Variants in ZNF708 observed in about 807,000 individuals in gnomAD.
ZNF708 encodes the protein zinc finger protein 708.
ZNF708 carries 44 observed loss-of-function variants against 47.0 expected under a neutral mutation model. The ratio of observed to expected loss-of-function variants is 0.94; its 90% CI spans 0.74 to 1.20. The LOEUF is 1.20. Ranked by LOEUF, ZNF708 falls within the 50% of genes most tolerant of loss-of-function variation. The pLI is 0.00. For synonymous variants in ZNF708, 184 were observed against 218.5 expected, an observed-to-expected ratio of 0.84 and a Z score of 1.39; for missense variants, 557 against 656.0, an observed-to-expected ratio of 0.85 and a Z score of 1.65.
At chr19:21,307,126 TA>T (rs1263578633) in intron 3 of ZNF708, among the ~76,000 whole-genome samples, 1 of 134,264 alleles carries the variant, frequency 7.4e-6, no homozygotes, top group African/African-American at 2.8e-5. Context: ...AAATATAAAA[TA>T]AAAAATAAAA....
intron 3 of ZNF708, among the ~76,000 whole-genome samples, chr19:21,303,758 GTTATAA>G (rs1178105292): frequency 6.6e-6 from 1 of 151,714 alleles, no homozygotes; most frequent in African/African-American, 2.4e-5. Flanking sequence ...GGGTAAGGTA[GTTATAA>G]TTATATTAGA....
intron 3 of ZNF708, among the ~76,000 whole-genome samples, chr19:21,302,154 C>T (rs769759496): frequency 2.6e-5 from 4 of 151,810 alleles, no homozygotes; most frequent in Admixed American, 6.6e-5. Context: ...TGATGCTGGC[C>T]AGCATCATAA....
At chr19:21,316,068 C>A (rs1219794616) in intron 1 of ZNF708, among the ~76,000 whole-genome samples, 84 of 138,890 alleles carry the variant, frequency 6.0e-4, no homozygotes, top group Non-Finnish European at 5.6e-4. Context: ...AAACCTGTCT[C>A]AAAAAAAAAA....
At position 21,294,172 on chromosome 19, in the gene ZNF708, G is replaced by C. The variant is rs1972473739; in HGVS notation, c.794C>G (p.Ser265Ter). The C allele has an allele frequency of 9.3e-6, 15 of 1,612,382 alleles. No individual in the cohort carries two copies. Among genetic ancestry groups the C allele is most frequent in the Non-Finnish European group, 1.3e-5 (15 of 1,179,596 alleles). The change falls in exon 4 of 4, where the codon TCA becomes TGA. Residue 265 changes from serine (S) to a stop codon, truncating the protein, a stop_gained. Transcript: ENST00000356929. LOFTEE classifies it high-confidence loss of function. ...EECGKAFNRS[S>*]NLTKHKIVHT... ...AACTATCTTATGTTTAGTAAGGTTT[G>C]AGGACCGGTTAAAAGCTTTGCCACA...
intron 3 of ZNF708, among the ~76,000 whole-genome samples, chr19:21,294,987 G>T (rs1599667003): frequency 6.6e-6 from 1 of 150,926 alleles, no homozygotes; most frequent in Non-Finnish European, 1.5e-5. Flanking sequence ...GGAGAAAAAA[G>T]AAAAGTCTGT....
intron 3 of ZNF708, among the ~76,000 whole-genome samples, chr19:21,300,390 C>T (rs1441683886): frequency 1.3e-5 from 2 of 151,594 alleles, no homozygotes; most frequent in Non-Finnish European, 2.9e-5. Context: ...CCTGTAATCC[C>T]AGCTACTCGG....
intron 1 of ZNF708, among the ~76,000 whole-genome samples, chr19:21,312,751 A>AT (rs1972924805): frequency 6.6e-6 from 1 of 152,006 alleles, no homozygotes; most frequent in South Asian, 2.1e-4. Context: ...CCCCGGGCTC[A>AT]TTATTAGCAG....
intron 1 of ZNF708, among the ~76,000 whole-genome samples, chr19:21,321,214 G>GT (rs1973128025): frequency 6.6e-6 from 1 of 152,058 alleles, no homozygotes; most frequent in Admixed American, 6.6e-5. Context: ...TCATTTATAA[G>GT]TAAGAGTTAA....
rs373946256 is a variant in ZNF708 at position 21,294,509 on chromosome 19, A to G, written c.457T>C (p.Ser153Pro). The change falls in exon 4 of 4, where the codon TCA (serine) becomes CCA (proline). Residue 153 changes from serine to proline, a missense_variant. Physicochemically the swap from Ser to Pro is moderately conservative, Grantham distance 74. Coordinates refer to ENST00000356929, the MANE Select transcript of ZNF708 (RefSeq NM_021269.3). Reference protein sequence around the residue: ...DKYVKVFHKYSNAKRHKIRHT... With the variant: ...DKYVKVFHKYPNAKRHKIRHT... ...CTTATCTTATGTCTCTTTGCATTTGAATATTTATGAAAGACTTTCACGTAT... is the reference window on the plus strand; with the variant it reads ...CTTATCTTATGTCTCTTTGCATTTGGATATTTATGAAAGACTTTCACGTAT... The G allele has an allele frequency of 4.3e-6, 7 of 1,614,122 alleles. No homozygotes were observed. The highest frequency in any genetic ancestry group is 5.9e-6 in the Non-Finnish European group (7 of 1,180,004).
chr19:21,322,528 C>A (rs1034303091), intron 1 of ZNF708, among the ~76,000 whole-genome samples: 1 of 152,086 alleles, frequency 6.6e-6, no homozygotes, highest in African/African-American at 2.4e-5. Context: ...GTCTTGAACT[C>A]CTGAGCTCAG....
rs775646551 is a variant in ZNF708, at chr19:21,293,139, A to C, written c.*135T>G. The C allele has an allele frequency of 1.4e-5, 16 of 1,125,286 alleles. No homozygotes were observed. Among genetic ancestry groups the C allele is most frequent in the African/African-American group, 3.1e-5 (2 of 64,056 alleles). The allele number at this position is 1,125,286 out of a possible 1,614,324, so 69.7% of individuals were successfully genotyped here. A position where few individuals can be genotyped will look rare whatever the true frequency, so the allele number is the denominator to read the frequency against. On this transcript the variant is annotated 3_prime_UTR_variant, in exon 4 of 4. Coordinates refer to ENST00000356929, the MANE Select transcript of ZNF708 (RefSeq NM_021269.3). ...TTTGTAGGGTTTCTCTCTAGTATGAATTATCTTTTGTTTCATAAGGATTAA... is the reference window on the plus strand; with the variant it reads ...TTTGTAGGGTTTCTCTCTAGTATGACTTATCTTTTGTTTCATAAGGATTAA...
chr19:21,293,793 G>T lies in ZNF708; in HGVS notation c.1173C>A (p.Pro391=), dbSNP rs751343201. ...CTTTACCACATTCTTCACATTTGTAGGGTTTCTCTCCAGTATGAATTACCT... is the reference window on the plus strand; with the variant it reads ...CTTTACCACATTCTTCACATTTGTATGGTTTCTCTCCAGTATGAATTACCT... The part of the protein sequence containing the change: ...NHKVIHTGEK[P]YKCEECGKAF... Residue 391 remains proline, a synonymous_variant, in exon 4 of 4, where the codon CCC becomes CCA. Coordinates refer to ENST00000356929, the MANE Select transcript of ZNF708 (RefSeq NM_021269.3). The T allele has an allele frequency of 3.1e-6, 5 of 1,613,404 alleles. No individual in the cohort carries two copies. The highest frequency in any genetic ancestry group is 4.2e-6 in the Non-Finnish European group (5 of 1,179,844).
intron 1 of ZNF708, chr19:21,328,035 G>C: frequency 1.0e-6 from 1 of 988,216 alleles, no homozygotes; most frequent in Non-Finnish European, 1.2e-6. Flanking sequence ...AAGTCATGAT[G>C]TGTATCTTGG....
intron 1 of ZNF708, among the ~76,000 whole-genome samples, chr19:21,321,987 A>T (rs1333388981): frequency 6.6e-6 from 1 of 151,930 alleles, no homozygotes; most frequent in Non-Finnish European, 1.5e-5. Context: ...CTCTGTTCAT[A>T]CAGGCAGGTG....
intron 1 of ZNF708, among the ~76,000 whole-genome samples, chr19:21,315,369 G>A (rs1972981058): frequency 6.6e-6 from 1 of 152,106 alleles, no homozygotes; most frequent in African/African-American, 2.4e-5. Flanking sequence ...TGTAATCCCA[G>A]GCAGAAGCCA....
intron 3 of ZNF708, chr19:21,307,049 A>AAT (rs1972787733): frequency 6.8e-6 from 1 of 147,942 alleles, no homozygotes; most frequent in Admixed American, 6.8e-5. Context: ...AATAAAATAA[A>AAT]ATAAAATATA....
At chr19:21,307,444 T>G (rs956343257) in intron 3 of ZNF708, among the ~76,000 whole-genome samples, 4 of 152,024 alleles carry the variant, frequency 2.6e-5, no homozygotes, top group African/African-American at 9.7e-5. Flanking sequence ...ACCAACATGG[T>G]GAAACCCCGT....
intron 1 of ZNF708, among the ~76,000 whole-genome samples, chr19:21,320,570 G>T (rs1000671301): frequency 6.6e-6 from 1 of 151,848 alleles, no homozygotes; most frequent in Non-Finnish European, 1.5e-5. Context: ...GTGCATGCCT[G>T]CAGTCCCAGC....
intron 1 of ZNF708, chr19:21,327,851 G>T: frequency 3.4e-6 from 1 of 291,466 alleles, no homozygotes; most frequent in Non-Finnish European, 5.8e-6. Context: ...GTTGGGTGAA[G>T]ACAATCTTAA....
Sources: gnomAD v4.1 joint callset for allele counts (sites outside exome capture counted in the v4.1 genomes callset) on GRCh38, gnomAD v4.1.1 for gene constraint, MANE v1.5 for transcripts, NCBI Gene and HGNC (gene_info 2026-07-23, HGNC 2026-07-21) for gene names.